The following MBD2 variants were observed in gnomAD, a reference collection of about 807,000 sequenced individuals.
MBD2 encodes methyl-CpG binding domain protein 2, also known as methyl-CpG-binding domain protein 2.
MBD2 carries 9 observed loss-of-function variants against 39.3 expected under a neutral mutation model. The ratio of observed to expected loss-of-function variants is 0.23; its 90% confidence interval spans 0.14 to 0.40. MBD2 has a LOEUF of 0.40. Among genes scored for constraint, MBD2 ranks in the 10% least tolerant of loss-of-function variants. MBD2 has a pLI of 1.00. For missense variants in MBD2, 458 were observed against 532.6 expected (o/e 0.86, Z 1.38); for synonymous variants, 233 against 211.1 (o/e 1.10, Z -0.90).
intron 1 of MBD2, among the ~76,000 whole-genome samples, chr18:54,208,220 C>T (rs904378439): frequency 5.9e-5 from 9 of 152,114 alleles, no homozygotes; most frequent in African/African-American, 1.7e-4. Flanking sequence ...TGGCCAGGCA[C>T]GGTGGCTCAT....
chr18:54,203,976 T>C (rs1050365539), intron 2 of MBD2, among the ~76,000 whole-genome samples: 23 of 152,258 alleles, frequency 1.5e-4, no homozygotes, highest in African/African-American at 5.5e-4. Flanking sequence ...CTGAAGGCCC[T>C]TGGAGCCTAA....
rs551046501 is a variant in MBD2, at chr18:54,194,918, C to T, written c.703-5907G>A. On this transcript the variant is annotated intron_variant, in intron 2 of 6. Transcript: ENST00000256429. ...ACTGTGCCTGAGTCATTCGTGTTCTCAATCCAGTATCTCATAGTGTCCCTT... is the reference window on the plus strand; with the variant it reads ...ACTGTGCCTGAGTCATTCGTGTTCTTAATCCAGTATCTCATAGTGTCCCTT... 6.9e-4 allele frequency among the ~76,000 whole-genome samples: 105 copies of T among 152,182 alleles called. 1 individual carries two copies. Among genetic ancestry groups the T allele is most frequent in the Non-Finnish European group, 1.1e-3 (74 of 67,948 alleles).
At chr18:54,194,205 T>TC (rs1793500772) in intron 2 of MBD2, among the ~76,000 whole-genome samples, 1 of 115,644 alleles carries the variant, frequency 8.6e-6, no homozygotes, top group African/African-American at 3.6e-5. Flanking sequence ...AAGGATGCAC[T>TC]TACCAGAATT....
chr18:54,180,890 A>ATTTTTTTTTTTTTTTTTTTTTTTTT (rs1568083459), intron 3 of MBD2, among the ~76,000 whole-genome samples: 1 of 114,570 alleles, frequency 8.7e-6, no homozygotes, highest in African/African-American at 3.7e-5. Context: ...GTATTCCTTA[A>ATTTTTTTTTTTTTTTTTTTTTTTTT]TTTTTTCTTT....
Position 54,224,219 on chromosome 18 carries a change from CCGCCGCCGCAGCCGCCGCCGT to C in MBD2, c.320_340del (p.Asp107_Gly113del). 9.0e-7 allele frequency: 1 copy of C among 1,108,734 alleles called. No homozygotes were observed. Among genetic ancestry groups the C allele is most frequent in the Non-Finnish European group, 1.1e-6 (1 of 909,256 alleles). 68.7% of individuals were successfully genotyped at this position (1,108,734 alleles called of 1,614,324 possible). A position where few individuals can be genotyped will look rare whatever the true frequency, so the allele number is the denominator to read the frequency against. ...GGGGGCGCCGCCGCCACCGCTGCCGCCGCCGCCGCAGCCGCCGCCGTCGCCGCCAAGGCCGCTGCCGCCACT... is the reference window on the plus strand; with the variant it reads ...GGGGGCGCCGCCGCCACCGCTGCCGCCGCCGCCAAGGCCGCTGCCGCCACT... On this transcript the variant is annotated inframe_deletion, in exon 1 of 7. Transcript: ENST00000256429.
intron 2 of MBD2, among the ~76,000 whole-genome samples, chr18:54,199,439 A>G (rs915927813): frequency 1.3e-5 from 2 of 152,254 alleles, no homozygotes; most frequent in Non-Finnish European, 2.9e-5. Flanking sequence ...ATGGACCTAC[A>G]GAGTGACAAG....
intron 3 of MBD2, among the ~76,000 whole-genome samples, chr18:54,175,703 AACCCAGG>A (rs2086207370): frequency 6.6e-6 from 1 of 152,060 alleles, no homozygotes; most frequent in Admixed American, 6.6e-5. Flanking sequence ...TTTTCCTTCT[AACCCAGG>A]CTCTGCCCCT....
At chr18:54,171,757 C>T (rs1393122566) in intron 3 of MBD2, among the ~76,000 whole-genome samples, 1 of 152,218 alleles carries the variant, frequency 6.6e-6, no homozygotes, top group East Asian at 1.9e-4. Flanking sequence ...TGGCACTGTG[C>T]TAAGCACCTT....
rs770117530 is a variant in MBD2 at position 54,189,336 on chromosome 18, G to A, written c.703-325C>T. On this transcript the variant is annotated intron_variant, in intron 2 of 6. Coordinates refer to ENST00000256429, the MANE Select transcript of MBD2 (RefSeq NM_003927.5). ...CCTCCCGGGTCTGCTTACGCCATCC[G>A]CCTCAGCCTCCCGAGTAGCTGGGAC... 1.1e-4 allele frequency among the ~76,000 whole-genome samples: 17 copies of A among 149,570 alleles called. No individual in the cohort carries two copies. The East Asian group carries it at 1.6e-3, about 14-fold the overall frequency.
chr18:54,209,867 A>G (rs1183975456), intron 1 of MBD2, among the ~76,000 whole-genome samples: 2 of 152,236 alleles, frequency 1.3e-5, no homozygotes, highest in Non-Finnish European at 2.9e-5. Flanking sequence ...AAAGTGATTA[A>G]GTTTAATCAC....
intron 3 of MBD2, among the ~76,000 whole-genome samples, chr18:54,166,658 T>C (rs1193761190): frequency 1.3e-5 from 2 of 152,196 alleles, no homozygotes; most frequent in Admixed American, 6.5e-5. Flanking sequence ...GAAAAGACCA[T>C]TTTCAATGAA....
chr18:54,215,977 T>C (rs1205768937), intron 1 of MBD2, among the ~76,000 whole-genome samples: 4 of 151,916 alleles, frequency 2.6e-5, no homozygotes, highest in Non-Finnish European at 5.9e-5. Flanking sequence ...AATTTTTTCT[T>C]GTATTTCTTA....
chr18:54,222,730 GGTGAA>G (rs2086626004), intron 1 of MBD2, among the ~76,000 whole-genome samples: 1 of 152,198 alleles, frequency 6.6e-6, no homozygotes, highest in Non-Finnish European at 1.5e-5. Context: ...TTTTAGTTGA[GGTGAA>G]GTGAACTTAC....
intron 1 of MBD2, among the ~76,000 whole-genome samples, chr18:54,205,681 TC>T (rs779732864): frequency 1.3e-5 from 2 of 150,986 alleles, no homozygotes; most frequent in Non-Finnish European, 2.9e-5. Flanking sequence ...AATATAATGC[TC>T]CCCTAGGTAG....
chr18:54,216,227 C>A (rs8093652), intron 1 of MBD2, among the ~76,000 whole-genome samples: 4,074 of 152,176 alleles, frequency 0.027, 181 homozygotes, highest in African/African-American at 0.093. Context: ...ATCAACACTA[C>A]ACACACACAA....
chr18:54,205,248 C>G, intron 1 of MBD2, 91 bp from the exon 2 acceptor site: 1 of 1,090,234 alleles, frequency 9.2e-7, no homozygotes, highest in Non-Finnish European at 1.3e-6. Flanking sequence ...CAATTGATAC[C>G]CCATTCTAAT....
At chr18:54,158,231 G>A (rs2086068509) in intron 6 of MBD2, among the ~76,000 whole-genome samples, 1 of 150,344 alleles carries the variant, frequency 6.7e-6, no homozygotes, top group Non-Finnish European at 1.5e-5. Context: ...CCAACCACGT[G>A]GATAATTTCT....
chr18:54,187,014 A>G (rs1198120998), intron 3 of MBD2, among the ~76,000 whole-genome samples: 3 of 152,234 alleles, frequency 2.0e-5, no homozygotes, highest in South Asian at 2.1e-4. Flanking sequence ...GGTTATTTCA[A>G]CTTTAAAACT....
At chr18:54,202,303 G>A (rs2086414346) in intron 2 of MBD2, among the ~76,000 whole-genome samples, 1 of 152,134 alleles carries the variant, frequency 6.6e-6, no homozygotes, top group South Asian at 2.1e-4. Flanking sequence ...ACTCCAGCCT[G>A]GGCGACAGAG....
Sources: gnomAD v4.1 joint callset for allele counts (sites outside exome capture counted in the v4.1 genomes callset) on GRCh38, gnomAD v4.1.1 for gene constraint, MANE v1.5 for transcripts, NCBI Gene and HGNC (gene_info 2026-07-23, HGNC 2026-07-21) for gene names.